The following ATP8A1 variants were observed in gnomAD, a reference collection of about 807,000 sequenced individuals.
The protein encoded by ATP8A1 is ATPase phospholipid transporting 8A1.
ATP8A1 carries 90 observed loss-of-function variants against 177.7 expected under a neutral mutation model. The observed-to-expected ratio is 0.51, with a 90% confidence interval of 0.43 to 0.60. The LOEUF (loss-of-function observed/expected upper bound fraction) is 0.60. ATP8A1 is among the 20% of genes least tolerant of loss of function. The pLI is 0.00. For synonymous variants in ATP8A1, 493 were observed against 485.9 expected, an observed-to-expected ratio of 1.01 and a Z score of -0.19; for missense variants, 1,072 against 1,392.8, an observed-to-expected ratio of 0.77 and a Z score of 3.67.
intron 31 of ATP8A1, among the ~76,000 whole-genome samples, chr4:42,446,098 A>AAAAAAAG (rs1553874360): frequency 2.7e-5 from 4 of 146,996 alleles, no homozygotes; most frequent in African/African-American, 7.5e-5. Context: ...AAAAAAAAAA[A>AAAAAAAG]AGAGAAGAGA....
intron 1 of ATP8A1, among the ~76,000 whole-genome samples, chr4:42,630,442 G>C (rs1369331190): frequency 6.6e-6 from 1 of 152,156 alleles, no homozygotes; most frequent in African/African-American, 2.4e-5. Context: ...TCCCCTCACA[G>C]AAAGCAAGGG....
intron 1 of ATP8A1, among the ~76,000 whole-genome samples, chr4:42,646,408 C>T (rs932046249): frequency 4.6e-5 from 7 of 152,266 alleles, no homozygotes; most frequent in Admixed American, 3.3e-4. Context: ...GGGACTAAAT[C>T]TATGTGGGAT....
At chr4:42,611,784 G>T (rs1354378807) in intron 5 of ATP8A1, among the ~76,000 whole-genome samples, 1 of 152,190 alleles carries the variant, frequency 6.6e-6, no homozygotes, top group African/African-American at 2.4e-5. Flanking sequence ...GCTTCAATGT[G>T]CATATTAGAA....
chr4:42,550,809 G>A (rs1410910567), intron 18 of ATP8A1, among the ~76,000 whole-genome samples: 1 of 152,100 alleles, frequency 6.6e-6, no homozygotes, highest in Non-Finnish European at 1.5e-5. Flanking sequence ...CATCCATATA[G>A]CTTCTCTTGT....
intron 9 of ATP8A1, among the ~76,000 whole-genome samples, chr4:42,585,089 C>A (rs1560487748): frequency 6.6e-6 from 1 of 152,140 alleles, no homozygotes; most frequent in Non-Finnish European, 1.5e-5. Context: ...ATAATTTACA[C>A]TGACTACTCC....
intron 5 of ATP8A1, among the ~76,000 whole-genome samples, chr4:42,611,424 T>C (rs192402839): frequency 6.6e-6 from 1 of 152,334 alleles, no homozygotes; most frequent in Admixed American, 6.5e-5. Context: ...CATTTAACTA[T>C]AGCATCAAAC....
At chr4:42,544,059 A>G in intron 19 of ATP8A1, 73 bp from the exon 20 acceptor site, 1 of 1,177,134 alleles carries the variant, frequency 8.5e-7, no homozygotes, top group Non-Finnish European at 1.2e-6. Flanking sequence ...CATGCCTCAC[A>G]TATTTTGATA....
chr4:42,466,903 G>A (rs566489121), intron 25 of ATP8A1, among the ~76,000 whole-genome samples: 1 of 152,316 alleles, frequency 6.6e-6, no homozygotes, highest in Admixed American at 6.5e-5. Context: ...AAAAAGGAAT[G>A]CTCACCAATA....
chr4:42,476,796 A>G (rs979249733), intron 25 of ATP8A1, among the ~76,000 whole-genome samples: 55 of 152,332 alleles, frequency 3.6e-4, no homozygotes, highest in Middle Eastern at 3.4e-3. Flanking sequence ...CACCTGCTAC[A>G]TCAATAATCA....
rs11365064 is a variant in ATP8A1 at position 42,464,265 on chromosome 4, CTT to C, written c.2619+423_2619+424del. Reference sequence around the variant, plus strand: ...AACATAATTCTCCATGGCTGACAAACTTTTTTTTTTTTTTTTTTGGGGTGGAG... The same window carrying C: ...AACATAATTCTCCATGGCTGACAAACTTTTTTTTTTTTTTTTGGGGTGGAG... On this transcript the variant is annotated intron_variant, in intron 27 of 36. Transcript: ENST00000381668. Among the ~76,000 whole-genome samples the C allele has an allele frequency of 5.6e-3, 732 of 130,038 alleles. 10 individuals are homozygous for C. The highest frequency in any genetic ancestry group is 0.016 in the African/African-American group (576 of 35,704). The allele number at this position is 130,038 out of a possible 152,430, so 85.3% of individuals were successfully genotyped here. A position where few individuals can be genotyped will look rare whatever the true frequency, so the allele number is the denominator to read the frequency against.
chr4:42,420,028 A>C (rs1560303507), intron 35 of ATP8A1, among the ~76,000 whole-genome samples: 1 of 152,156 alleles, frequency 6.6e-6, no homozygotes, highest in Non-Finnish European at 1.5e-5. Flanking sequence ...AACAAAAAAA[A>C]AAAACTGCTA....
chr4:42,499,688 T>C (rs1578056901), intron 24 of ATP8A1, among the ~76,000 whole-genome samples: 2 of 152,354 alleles, frequency 1.3e-5, no homozygotes, highest in East Asian at 3.9e-4. Context: ...ATATGTTAGG[T>C]TGCCTGAAAG....
intron 6 of ATP8A1, among the ~76,000 whole-genome samples, chr4:42,597,846 TTTG>T (rs1734860793): frequency 6.6e-6 from 1 of 152,134 alleles, no homozygotes; most frequent in Non-Finnish European, 1.5e-5. Flanking sequence ...ATCTGAAATG[TTTG>T]TTTTTATTTA....
rs371872386 is a variant in ATP8A1, at chr4:42,537,377, T to A, written c.1722+6540A>T. Among the ~76,000 whole-genome samples, 37 of 151,084 alleles carry A rather than the reference T, an allele frequency of 2.4e-4. 1 individual carries two copies. The South Asian group carries it at 3.6e-3, about 15-fold the overall frequency. The stretch of plus-strand genomic sequence containing the variant: ...TGGAACAAGACAAAGACGCCCACTT[T>A]CACCACTTTTATTCAACATAATACG... On this transcript the variant is annotated intron_variant, in intron 20 of 36. Transcript: ENST00000381668.
At chr4:42,536,075 A>G (rs574051525) in intron 20 of ATP8A1, among the ~76,000 whole-genome samples, 36 of 152,290 alleles carry the variant, frequency 2.4e-4, no homozygotes, top group African/African-American at 8.2e-4. Flanking sequence ...GAGCAAACCA[A>G]CCCCAAACCC....
intron 30 of ATP8A1, among the ~76,000 whole-genome samples, chr4:42,447,593 A>G (rs1488209319): frequency 6.6e-6 from 1 of 152,200 alleles, no homozygotes; most frequent in African/African-American, 2.4e-5. Flanking sequence ...AATCATTGAT[A>G]CCATTGAAAA....
intron 22 of ATP8A1, among the ~76,000 whole-genome samples, chr4:42,517,076 T>C (rs544181491): frequency 1.7e-4 from 26 of 150,454 alleles, no homozygotes; most frequent in Non-Finnish European, 3.1e-4. Flanking sequence ...CAAGGGGGGG[T>C]GGATCACGAG....
intron 15 of ATP8A1, among the ~76,000 whole-genome samples, chr4:42,558,710 A>T (rs1730506289): frequency 6.6e-6 from 1 of 152,224 alleles, no homozygotes; most frequent in African/African-American, 2.4e-5. Context: ...TCACCTTGTA[A>T]ACCAAAATAA....
chr4:42,420,656 A>C (rs1713797702), intron 35 of ATP8A1, among the ~76,000 whole-genome samples: 1 of 152,222 alleles, frequency 6.6e-6, no homozygotes, highest in Non-Finnish European at 1.5e-5. Context: ...TGATTTTATT[A>C]ACATACTTAC....
Sources: allele counts gnomAD v4.1 joint callset (sites outside exome capture counted in the v4.1 genomes callset), GRCh38; gene constraint gnomAD v4.1.1; transcripts MANE v1.5; gene names NCBI Gene and HGNC (gene_info 2026-07-23, HGNC 2026-07-21).